Variants in COL6A3 observed in about 807,000 individuals in gnomAD.
COL6A3 encodes the protein collagen type VI alpha 3 chain.
In COL6A3, 137 loss-of-function variants were observed where a neutral mutation model predicts 274.1. The observed-to-expected ratio is 0.50, with a 90% CI of 0.44 to 0.58. The LOEUF (loss-of-function observed/expected upper bound fraction) is 0.58. Ranked by LOEUF, COL6A3 falls within the 20% of genes least tolerant of loss-of-function variation. COL6A3 has a pLI of 0.00. For synonymous variants in COL6A3, 1,650 were observed against 1,650.6 expected, an observed-to-expected ratio of 1.00 and a Z score of 0.01; for missense variants, 3,950 against 4,124.9, an observed-to-expected ratio of 0.96 and a Z score of 1.16.
At chr2:237,360,370 A>G (rs181027773) in intron 16 of COL6A3, among the ~76,000 whole-genome samples, 5 of 152,226 alleles carry the variant, frequency 3.3e-5, no homozygotes, top group African/African-American at 9.6e-5. Context: ...CCTGAAGGGA[A>G]TGAGATCTGG....
intron 32 of COL6A3, among the ~76,000 whole-genome samples, chr2:237,345,600 T>C (rs2077081928): frequency 6.6e-6 from 1 of 152,088 alleles, no homozygotes; most frequent in Admixed American, 6.6e-5. Context: ...CTGCCCTGGC[T>C]CCCTCCGTGT....
chr2:237,382,944 C>T (rs1225518614), intron 4 of COL6A3, among the ~76,000 whole-genome samples: 4 of 152,216 alleles, frequency 2.6e-5, no homozygotes, highest in South Asian at 2.1e-4. Context: ...TGCACGACCA[C>T]GCCCGGCTAA....
At chr2:237,354,824 T>A in intron 24 of COL6A3, 75 bp downstream of exon 24, 1 of 1,255,222 alleles carries the variant, frequency 8.0e-7, no homozygotes, top group East Asian at 2.4e-5. Flanking sequence ...CAGGAGAGAG[T>A]GTTTTTCACT....
chr2:237,325,737 C>T lies in COL6A3; in HGVS notation c.9329-13G>A, dbSNP rs1475265504. The T allele has an allele frequency of 1.2e-6, 2 of 1,611,420 alleles. No homozygotes were observed. The highest frequency in any genetic ancestry group is 2.2e-5 in the East Asian group (1 of 44,862). On this transcript the variant is annotated splice_polypyrimidine_tract_variant and intron_variant, in intron 42 of 43. Transcript: ENST00000295550. The stretch of plus-strand genomic sequence containing the variant: ...AACTTGCATATATCTTTAATAAAAA[C>T]ATGAGAAAAGGATATTAATGAGAAC...
In COL6A3 at chr2:237,379,133, T is replaced by G; in HGVS notation, c.2000A>C (p.Asn667Thr). The G allele has an allele frequency of 6.2e-7, 1 of 1,614,262 alleles. No individual in the cohort carries two copies. The highest frequency in any genetic ancestry group is 8.5e-7 in the Non-Finnish European group (1 of 1,180,038). Residue 667 changes from asparagine to threonine, a missense_variant, in exon 6 of 44, where the codon AAC becomes ACC. Coordinates refer to ENST00000295550, the MANE Select transcript of COL6A3 (RefSeq NM_004369.4). ...YVRDFVMNLVNSLDIGNDNIR... is the reference protein window; with the variant it reads ...YVRDFVMNLVTSLDIGNDNIR... ...ATTGTCATTTCCAATATCAAGGCTG[T>G]TAACTAGGTTCATTACAAAGTCGCG...
chr2:237,345,665 C>T (rs1213067850), intron 32 of COL6A3, among the ~76,000 whole-genome samples: 1 of 152,166 alleles, frequency 6.6e-6, no homozygotes, highest in African/African-American at 2.4e-5. Context: ...TGACTCGTGG[C>T]TTCCCTCAGT....
intron 39 of COL6A3, among the ~76,000 whole-genome samples, chr2:237,336,845 T>C (rs1700577228): frequency 6.6e-6 from 1 of 152,164 alleles, no homozygotes; most frequent in Non-Finnish European, 1.5e-5. Flanking sequence ...TATCCAACAA[T>C]GTTCTCATTA....
In COL6A3 at chr2:237,371,860, T is replaced by G; in HGVS notation, c.4157A>C (p.Glu1386Ala). The change falls in exon 9 of 44, where the codon GAA (glutamate) becomes GCA (alanine). Residue 1386 changes from glutamate (E) to alanine (A), a missense_variant. Physicochemically the swap from Glu to Ala is moderately radical, Grantham distance 107. Around this residue, in one of 5 missense-constraint regions of COL6A3, gnomAD observed 1,934 missense variants for 1,984.3 expected, o/e 0.97. Coordinates refer to ENST00000295550, the MANE Select transcript of COL6A3 (RefSeq NM_004369.4). This position sits in a 1 kb window ranked among gnomAD's most constrained non-coding sequence, Gnocchi z 4.3. ...GAAGGTGCTCACCGAGAACACATAT[T>G]CGGGGCTCAGCGAGATCTTCACCAG... The part of the protein sequence containing the change: ...EELVKISLSP[E>A]YVFSVSTFRE... 1 of 1,605,802 alleles carries G rather than the reference T, an allele frequency of 6.2e-7. No homozygotes were observed. The highest frequency in any genetic ancestry group is 8.5e-7 in the Non-Finnish European group (1 of 1,176,650).
Position 237,348,642 on chromosome 2 carries a change from C to A in COL6A3, c.6901G>T (p.Val2301Phe), listed in dbSNP as rs1559212695. The A allele has an allele frequency of 6.2e-7, 1 of 1,614,232 alleles. No homozygotes were observed. The highest frequency in any genetic ancestry group is 8.5e-7 in the Non-Finnish European group (1 of 1,180,042). The change falls in exon 29 of 44, where the codon GTT (valine) becomes TTT (phenylalanine). Residue 2301 changes from valine to phenylalanine, a missense_variant. Physicochemically the swap from Val to Phe is conservative, Grantham distance 50. Around this residue, in one of 5 missense-constraint regions of COL6A3, gnomAD observed 1,284 missense variants for 1,349.7 expected, o/e 0.95. Transcript: ENST00000295550. The stretch of plus-strand genomic sequence containing the variant: ...TTGCCTCTGCGTCCTTCACTGCCAA[C>A]TCCGTCTCTCCCGTCATCTCCCTAA... ...GETGDDGRDG[V>F]GSEGRRGKKG... is the part of the protein sequence containing the mutation.
In COL6A3 at chr2:237,342,067, A is replaced by G. The variant is rs1191554549; in HGVS notation, c.7763T>C (p.Leu2588Ser). The change falls in exon 37 of 44, where the codon TTG becomes TCG. Residue 2588 changes from leucine to serine, a missense_variant and splice_region_variant. Around this residue, in one of 5 missense-constraint regions of COL6A3, gnomAD observed 1,284 missense variants for 1,349.7 expected, o/e 0.95. Transcript: ENST00000295550. ...LENVLTCHVC[L>S]DICNIDPSCG... ...TTCCTGTTAGAGAAACAGCTTACCC[A>G]AGCAAACATGACACGTGAGGACATT... 1 of 1,614,036 alleles carries G rather than the reference A, an allele frequency of 6.2e-7. No homozygotes were observed. Among genetic ancestry groups the G allele is most frequent in the South Asian group, 1.1e-5 (1 of 91,048 alleles).
intron 1 of COL6A3, among the ~76,000 whole-genome samples, chr2:237,411,909 C>T (rs1336445810): frequency 6.6e-6 from 1 of 152,088 alleles, no homozygotes; most frequent in African/African-American, 2.4e-5. Context: ...AGAGGCTTCC[C>T]CAGCCACCTC....
intron 1 of COL6A3, among the ~76,000 whole-genome samples, chr2:237,403,290 G>A (rs542657420): frequency 1.3e-5 from 2 of 152,282 alleles, no homozygotes; most frequent in South Asian, 4.1e-4. Context: ...CCAAAAATTG[G>A]TGAGATGGAG....
In COL6A3 at chr2:237,340,989, C is replaced by A. The variant is rs757801355; in HGVS notation, c.7927G>T (p.Ala2643Ser). The A allele has an allele frequency of 6.2e-7, 1 of 1,614,158 alleles. No homozygotes were observed. Among genetic ancestry groups the A allele is most frequent in the Non-Finnish European group, 8.5e-7 (1 of 1,180,020 alleles). ...ATGTCCAGTTGTCTGACCAGGTACG[C>A]TATGTACTTCTTCATCTCATTGAAC... ...FQFNEMKKYI[A>S]YLVRQLDMSP... Residue 2643 changes from alanine to serine, a missense_variant, in exon 38 of 44, where the codon GCG becomes TCG. Around this residue, in one of 5 missense-constraint regions of COL6A3, gnomAD observed 1,284 missense variants for 1,349.7 expected, o/e 0.95. Transcript: ENST00000295550.
chr2:237,377,328 A>G lies in COL6A3; in HGVS notation c.2514T>C (p.Ile838=). 6.2e-7 allele frequency: 1 copy of G among 1,600,400 alleles called. No homozygotes were observed. The highest frequency in any genetic ancestry group is 8.5e-7 in the Non-Finnish European group (1 of 1,179,960). Residue 838 remains isoleucine, a synonymous_variant, in exon 7 of 44, where the codon ATT becomes ATC. Coordinates refer to ENST00000295550, the MANE Select transcript of COL6A3 (RefSeq NM_004369.4). ...PLAQPESKRD[I]LFLFDGSANL... ...TGGCTGAGCCGTCAAAGAGGAACAG[A>G]ATGTCTCGCTTGCTCTCTGCAATGA...
Position 237,388,069 on chromosome 2 carries a change from T to C in COL6A3, c.825A>G (p.Gly275=), listed in dbSNP as rs746493436. 1 of 1,614,222 alleles carries C rather than the reference T, an allele frequency of 6.2e-7. No individual in the cohort carries two copies. Among genetic ancestry groups the C allele is most frequent in the South Asian group, 1.1e-5 (1 of 91,086 alleles). ...LVNLLEKLPI[G]TQQIRVGVVQ... is the part of the protein sequence containing the mutation. ...CCACCCCCACTCGGATCTGCTGAGT[T>C]CCAATTGGGAGTTTCTCAAGGAGAT... Residue 275 remains glycine (G), a synonymous_variant, in exon 4 of 44, where the codon GGA becomes GGG. Coordinates refer to ENST00000295550, the MANE Select transcript of COL6A3 (RefSeq NM_004369.4).
chr2:237,325,766 C>T (rs761497079), intron 42 of COL6A3, 42 bp from the exon 43 acceptor site: 29 of 1,563,922 alleles, frequency 1.9e-5, no homozygotes, highest in East Asian at 2.2e-5. Flanking sequence ...TGAGAACATG[C>T]GTGTTACTCG....
Position 237,351,144 on chromosome 2 carries a change from G to A in COL6A3, c.6802C>T (p.Pro2268Ser). Reference protein sequence around the residue: ...GAPGERGRTGPLGRKGEPGEP... With the variant: ...GAPGERGRTGSLGRKGEPGEP... The stretch of plus-strand genomic sequence containing the variant: ...TAAAGACAAACCTTTCTTCCCAGTG[G>A]ACCGGTTCTGCCTCGTTCTCCAGGA... Residue 2268 changes from proline to serine, a missense_variant, in exon 27 of 44, where the codon CCA becomes TCA. Physicochemically the swap from Pro to Ser is moderately conservative, Grantham distance 74 (BLOSUM62 -1). Around this residue, in one of 5 missense-constraint regions of COL6A3, gnomAD observed 1,284 missense variants for 1,349.7 expected, o/e 0.95. Coordinates refer to ENST00000295550, the MANE Select transcript of COL6A3 (RefSeq NM_004369.4). The A allele has an allele frequency of 1.2e-6, 2 of 1,614,236 alleles. No individual in the cohort carries two copies. Among genetic ancestry groups the A allele is most frequent in the Non-Finnish European group, 8.5e-7 (1 of 1,180,040 alleles).
intron 42 of COL6A3, 142 bp from the exon 43 acceptor site, chr2:237,325,866 G>T: frequency 1.5e-6 from 1 of 650,410 alleles, no homozygotes. Flanking sequence ...CCCTTAACCT[G>T]CTCAAATCTC....
intron 8 of COL6A3, among the ~76,000 whole-genome samples, chr2:237,373,796 G>A (rs1218747818): frequency 1.3e-5 from 2 of 152,056 alleles, no homozygotes; most frequent in African/African-American, 4.8e-5. Context: ...CAGCACCAGG[G>A]CTCCCACCAT....
Sources: gnomAD v4.1 joint callset for allele counts (sites outside exome capture counted in the v4.1 genomes callset) on GRCh38, gnomAD v4.1.1 for gene constraint, gnomAD v4.1.1 regional missense constraint, Gnocchi (gnomAD v3.1) non-coding constraint, MANE v1.5 for transcripts, NCBI Gene and HGNC (gene_info 2026-07-23, HGNC 2026-07-21) for gene names.